Variants in DOCK2 observed in about 807,000 individuals in gnomAD.
DOCK2 encodes dedicator of cytokinesis 2.
A neutral mutation model predicts 248.9 loss-of-function variants in DOCK2; 87 were observed. The ratio of observed to expected loss-of-function variants is 0.35; its 90% CI spans 0.29 to 0.42. DOCK2 has a LOEUF of 0.42. Ranked by LOEUF, DOCK2 falls within the 10% of genes least tolerant of loss-of-function variation. The pLI, the probability that DOCK2 is intolerant of heterozygous loss-of-function variation, is 1.00. For missense variants in DOCK2, 1,747 were observed against 2,300.2 expected (o/e 0.76, Z 4.92); for synonymous variants, 805 against 821.6 (o/e 0.98, Z 0.35).
chr5:170,046,472 C>G (rs1230538028), intron 39 of DOCK2, among the ~76,000 whole-genome samples: 1 of 152,132 alleles, frequency 6.6e-6, no homozygotes, highest in African/African-American at 2.4e-5. Flanking sequence ...GCCCATCCTC[C>G]CCACATGTTT....
At chr5:169,861,918 TTTTTCTTTTC>T (rs542728501) in intron 27 of DOCK2, among the ~76,000 whole-genome samples, 2 of 148,728 alleles carry the variant, frequency 1.3e-5, no homozygotes, top group African/African-American at 2.4e-5. Context: ...TTTATTTATT[TTTTTCTTTTC>T]TTTTCTTTTC....
intron 26 of DOCK2, among the ~76,000 whole-genome samples, chr5:169,804,802 C>T (rs1376890603): frequency 1.3e-5 from 2 of 152,148 alleles, no homozygotes; most frequent in Non-Finnish European, 2.9e-5. Flanking sequence ...TGTGTAATCA[C>T]AGGCATAGGG....
chr5:169,714,606 T>C, intron 19 of DOCK2, 149 bp downstream of exon 19: 1 of 806,246 alleles, frequency 1.2e-6, no homozygotes. Flanking sequence ...CCTTGAGGAA[T>C]CTTTATTGGG....
chr5:169,994,664 A>C (rs556880828), intron 29 of DOCK2, among the ~76,000 whole-genome samples: 8 of 152,358 alleles, frequency 5.3e-5, no homozygotes, highest in Non-Finnish European at 7.3e-5. Flanking sequence ...GGGACATTCT[A>C]CACAAAGAAA....
intron 27 of DOCK2, among the ~76,000 whole-genome samples, chr5:169,895,320 A>C (rs1773532507): frequency 6.6e-6 from 1 of 151,810 alleles, no homozygotes; most frequent in Non-Finnish European, 1.5e-5. Context: ...TGTTTCTTGC[A>C]AAGGGAAGAG....
At chr5:169,708,568 C>CTTTT (rs35842616) in intron 15 of DOCK2, among the ~76,000 whole-genome samples, 1 of 144,314 alleles carries the variant, frequency 6.9e-6, no homozygotes, top group Non-Finnish European at 1.5e-5. Context: ...TAGCATTCTT[C>CTTTT]TTTTTTTTTT....
At chr5:169,887,753 T>G (rs146814359) in intron 27 of DOCK2, among the ~76,000 whole-genome samples, 1 of 152,322 alleles carries the variant, frequency 6.6e-6, no homozygotes, top group African/African-American at 2.4e-5. Context: ...GAAGAAGAAT[T>G]AGTGAGTCAA....
At chr5:169,800,944 CTTTTTTTTTTTTTTTTT>C (rs60140740) in intron 25 of DOCK2, among the ~76,000 whole-genome samples, 2 of 53,194 alleles carry the variant, frequency 3.8e-5, no homozygotes, top group Admixed American at 2.8e-4. Context: ...TTCTTTCTTT[CTTTTTTTTTTTTTTTTT>C]TTTTTTTTTT....
chr5:169,911,507 T>C (rs1774597574), intron 27 of DOCK2, among the ~76,000 whole-genome samples: 1 of 152,206 alleles, frequency 6.6e-6, no homozygotes, highest in African/African-American at 2.4e-5. Context: ...TCCAAGTCTG[T>C]TTATTACCTG....
chr5:169,801,146 G>GTTTTT (rs60574755), intron 25 of DOCK2, among the ~76,000 whole-genome samples: 30 of 76,072 alleles, frequency 3.9e-4, no homozygotes, highest in Non-Finnish European at 6.4e-4. Flanking sequence ...ATAGTTTTGG[G>GTTTTT]TTTTTTTTTT....
intron 25 of DOCK2, among the ~76,000 whole-genome samples, chr5:169,797,473 C>T (rs1766724093): frequency 6.6e-6 from 1 of 152,226 alleles, no homozygotes; most frequent in Admixed American, 6.5e-5. Flanking sequence ...GCTTTGCATT[C>T]AGGTAGGTAG....
intron 2 of DOCK2, among the ~76,000 whole-genome samples, chr5:169,658,731 T>C (rs1175643708): frequency 6.6e-6 from 1 of 150,990 alleles, no homozygotes; most frequent in Non-Finnish European, 1.5e-5. Flanking sequence ...CATATATTAG[T>C]TTTAAACAAA....
At chr5:169,769,265 A>G (rs1764958050) in intron 25 of DOCK2, among the ~76,000 whole-genome samples, 1 of 152,182 alleles carries the variant, frequency 6.6e-6, no homozygotes, top group South Asian at 2.1e-4. Flanking sequence ...AGAAAGGCAC[A>G]GGTTTTGACG....
At chr5:169,858,840 G>A (rs1384319235) in intron 27 of DOCK2, among the ~76,000 whole-genome samples, 1 of 151,948 alleles carries the variant, frequency 6.6e-6, no homozygotes, top group African/African-American at 2.4e-5. Context: ...AGTCTTTACA[G>A]AAAATAATTA....
chr5:169,828,811 G>A (rs1026138353), intron 26 of DOCK2, among the ~76,000 whole-genome samples: 3 of 152,088 alleles, frequency 2.0e-5, no homozygotes, highest in Non-Finnish European at 2.9e-5. Context: ...TCTCCTATTC[G>A]AACTTAAATC....
Position 169,716,314 on chromosome 5 carries a change from G to T in DOCK2, c.2031+12G>T. On this transcript the variant is annotated intron_variant, in intron 20 of 51. Transcript: ENST00000520908. The stretch of plus-strand genomic sequence containing the variant: ...TCTTTGATGCCTTGGTAAGAGAGAG[G>T]GGAAAAGTGTCTAGTGACAACAGGC... The T allele has an allele frequency of 6.2e-7, 1 of 1,612,428 alleles. No individual in the cohort carries two copies. Among genetic ancestry groups the T allele is most frequent in the Non-Finnish European group, 8.5e-7 (1 of 1,178,716 alleles).
intron 27 of DOCK2, among the ~76,000 whole-genome samples, chr5:169,944,333 G>C (rs111523050): frequency 7.9e-5 from 12 of 152,338 alleles, no homozygotes; most frequent in African/African-American, 2.9e-4. Context: ...AAAGCTGGCA[G>C]GTCCTTCAAG....
chr5:169,823,799 G>A (rs1768649427), intron 26 of DOCK2, among the ~76,000 whole-genome samples: 1 of 152,092 alleles, frequency 6.6e-6, no homozygotes, highest in South Asian at 2.1e-4. Flanking sequence ...AGAAATAAAG[G>A]GTATTCAATT....
chr5:169,790,319 A>T (rs193241133), intron 25 of DOCK2, among the ~76,000 whole-genome samples: 26 of 152,210 alleles, frequency 1.7e-4, no homozygotes, highest in Admixed American at 1.6e-3. Flanking sequence ...GCAATATAGG[A>T]TTGTTCATGT....
Sources: gnomAD v4.1 joint callset for allele counts (sites outside exome capture counted in the v4.1 genomes callset) on GRCh38, gnomAD v4.1.1 for gene constraint, MANE v1.5 for transcripts, NCBI Gene and HGNC (gene_info 2026-07-23, HGNC 2026-07-21) for gene names.